Variants in PRKCH observed in about 807,000 individuals in gnomAD.
PRKCH encodes the protein protein kinase C eta type.
In PRKCH, 28 loss-of-function variants were observed where a neutral mutation model predicts 82.5. The ratio of observed to expected loss-of-function variants is 0.34; its 90% CI spans 0.25 to 0.47. The LOEUF (loss-of-function observed/expected upper bound fraction) is 0.47, where lower values mean the gene tolerates loss of function less well. PRKCH is among the 20% of genes least tolerant of loss of function. PRKCH has a pLI of 1.00. For synonymous variants in PRKCH, 322 were observed against 327.4 expected, an observed-to-expected ratio of 0.98 and a Z score of 0.18; for missense variants, 705 against 881.8, an observed-to-expected ratio of 0.80 and a Z score of 2.54.
chr14:61,363,316 T>G (rs2046255136), intron 1 of PRKCH, among the ~76,000 whole-genome samples: 1 of 152,186 alleles, frequency 6.6e-6, no homozygotes, highest in African/African-American at 2.4e-5. Flanking sequence ...CTATGGCAGC[T>G]CATTGAGTCA....
At chr14:61,484,767 T>G (rs1191108799) in intron 9 of PRKCH, among the ~76,000 whole-genome samples, 1 of 145,522 alleles carries the variant, frequency 6.9e-6, no homozygotes, top group African/African-American at 2.7e-5. Flanking sequence ...TGGCTTCCTT[T>G]TTTTTTTTTT....
intron 9 of PRKCH, among the ~76,000 whole-genome samples, chr14:61,463,828 C>T (rs948927041): frequency 6.6e-6 from 1 of 152,196 alleles, no homozygotes; most frequent in Admixed American, 6.5e-5. Flanking sequence ...CTGCATTTGT[C>T]TTTCTGTGAC....
intron 1 of PRKCH, among the ~76,000 whole-genome samples, chr14:61,369,627 G>C (rs908067214): frequency 6.6e-6 from 1 of 151,986 alleles, no homozygotes; most frequent in Non-Finnish European, 1.5e-5. Context: ...CTGTTTTGTG[G>C]AATGTAGTAT....
At chr14:61,457,035 G>C in intron 7 of PRKCH, 141 bp from the exon 8 acceptor site, 1 of 860,684 alleles carries the variant, frequency 1.2e-6, no homozygotes, top group Non-Finnish European at 1.8e-6. Context: ...TGGCAGAACC[G>C]ATCATCTGTC....
intron 2 of PRKCH, among the ~76,000 whole-genome samples, chr14:61,440,451 G>A (rs911321767): frequency 6.6e-6 from 1 of 152,206 alleles, no homozygotes; most frequent in African/African-American, 2.4e-5. Context: ...AATTTTAACT[G>A]TGCTGGAATC....
At chr14:61,242,228 T>A (rs2044845550) in intron 1 of PRKCH, among the ~76,000 whole-genome samples, 1 of 152,098 alleles carries the variant, frequency 6.6e-6, no homozygotes, top group Non-Finnish European at 1.5e-5. Context: ...AATCCACACC[T>A]CCCATGCCTC....
At chr14:61,470,536 T>C (rs1280063235) in intron 9 of PRKCH, among the ~76,000 whole-genome samples, 7 of 152,160 alleles carry the variant, frequency 4.6e-5, no homozygotes, top group Admixed American at 2.6e-4. Context: ...CAGCAGACCC[T>C]CCCCTTTTTT....
At chr14:61,360,218 G>A (rs1316697713) in intron 1 of PRKCH, among the ~76,000 whole-genome samples, 3 of 152,328 alleles carry the variant, frequency 2.0e-5, no homozygotes, top group East Asian at 1.9e-4. Flanking sequence ...ATAAAAACTC[G>A]AAGAGGTTGG....
intron 10 of PRKCH, among the ~76,000 whole-genome samples, chr14:61,491,058 C>T (rs149572392): frequency 6.6e-6 from 1 of 152,254 alleles, no homozygotes; most frequent in Non-Finnish European, 1.5e-5. Context: ...TGATTCCCAC[C>T]TCCTAGGACC....
intron 2 of PRKCH, among the ~76,000 whole-genome samples, chr14:61,438,830 AT>A (rs1476884576): frequency 6.6e-6 from 1 of 152,178 alleles, no homozygotes; most frequent in African/African-American, 2.4e-5. Flanking sequence ...ATGAAATATA[AT>A]TTTAGTTCAG....
chr14:61,276,160 C>T lies in PRKCH; in HGVS notation c.-19+88492C>T, dbSNP rs546700417. On this transcript the variant is annotated intron_variant, in intron 1 of 3. Coordinates refer to the PRKCH transcript ENST00000555185. ...TGTACTTCAGGTTCATGAAGACCTTCTTAACGACTCTTTTGCAACTACTCT... is the reference window on the plus strand; with the variant it reads ...TGTACTTCAGGTTCATGAAGACCTTTTTAACGACTCTTTTGCAACTACTCT... Among the ~76,000 whole-genome samples the T allele has an allele frequency of 1.7e-4, 26 of 152,150 alleles. 1 individual carries two copies. In the South Asian group the frequency reaches 5.2e-3, roughly 30 times the overall value.
At chr14:61,369,251 C>T (rs1169305204) in intron 1 of PRKCH, among the ~76,000 whole-genome samples, 1 of 152,094 alleles carries the variant, frequency 6.6e-6, no homozygotes. Flanking sequence ...CCCCCATGCC[C>T]AGATTCTGTT....
At chr14:61,219,207 G>A (rs2044637262) in intron 1 of PRKCH, among the ~76,000 whole-genome samples, 1 of 152,246 alleles carries the variant, frequency 6.6e-6, no homozygotes, top group Admixed American at 6.5e-5. Flanking sequence ...CTCTGGAGGA[G>A]TGAAGTATTC....
At chr14:61,387,681 C>G (rs1171898252) in intron 1 of PRKCH, among the ~76,000 whole-genome samples, 1 of 152,226 alleles carries the variant, frequency 6.6e-6, no homozygotes, top group African/African-American at 2.4e-5. Flanking sequence ...TCCAAAGCCA[C>G]ATTTTTCAAA....
intron 1 of PRKCH, among the ~76,000 whole-genome samples, chr14:61,276,565 A>C (rs1310474391): frequency 6.6e-6 from 1 of 151,780 alleles, no homozygotes; most frequent in Non-Finnish European, 1.5e-5. Flanking sequence ...CATGTTGGCC[A>C]GGCTGGTCTC....
At position 61,548,861 on chromosome 14, in the gene PRKCH, C is replaced by CAAA. The variant is rs11424840; in HGVS notation, c.1906-808_1906-806dup. Among the ~76,000 whole-genome samples, 119 of 128,664 alleles carry CAAA rather than the reference C, an allele frequency of 9.2e-4. 2 individuals are homozygous for CAAA. Among genetic ancestry groups the CAAA allele is most frequent in the Middle Eastern group, 4.0e-3 (1 of 250 alleles). The allele number at this position is 128,664 out of a possible 152,430, so 84.4% of individuals were successfully genotyped here. ...TGGGCAACTGAGTTAGACTTTGTCTCAAAAAAAAAAAAAAAAAAGTGATAG... is the reference window on the plus strand; with the variant it reads ...TGGGCAACTGAGTTAGACTTTGTCTCAAAAAAAAAAAAAAAAAAAAAGTGATAG... On this transcript the variant is annotated intron_variant, in intron 13 of 13. Coordinates refer to ENST00000332981, the MANE Select transcript of PRKCH (RefSeq NM_006255.5).
intron 1 of PRKCH, among the ~76,000 whole-genome samples, chr14:61,250,210 C>T (rs574279794): frequency 6.6e-6 from 1 of 150,598 alleles, no homozygotes; most frequent in African/African-American, 2.4e-5. Context: ...GAACTCCAGC[C>T]TGGGCGATAG....
intron 10 of PRKCH, among the ~76,000 whole-genome samples, chr14:61,491,192 T>G (rs1886437252): frequency 6.6e-6 from 1 of 152,248 alleles, no homozygotes; most frequent in Non-Finnish European, 1.5e-5. Context: ...TGTATTTATA[T>G]TCATTCTACT....
intron 4 of PRKCH, among the ~76,000 whole-genome samples, 184 bp from the exon 5 acceptor site, chr14:61,448,980 C>G (rs538484976): frequency 5.9e-5 from 9 of 152,126 alleles, no homozygotes; most frequent in African/African-American, 1.4e-4. Context: ...ATAGTTTGAG[C>G]CTGAGCAAAG....
Sources: allele counts gnomAD v4.1 joint callset (sites outside exome capture counted in the v4.1 genomes callset), GRCh38; gene constraint gnomAD v4.1.1; transcripts MANE v1.5; gene names NCBI Gene and HGNC (gene_info 2026-07-23, HGNC 2026-07-21).